Variants in MINDY2 observed in about 807,000 individuals in gnomAD.
MINDY2 encodes ubiquitin carboxyl-terminal hydrolase MINDY-2.
Under a neutral mutation model 68.2 loss-of-function variants are expected in MINDY2, and 52 were observed. The ratio of observed to expected loss-of-function variants is 0.76; its 90% CI spans 0.61 to 0.96. The LOEUF (loss-of-function observed/expected upper bound fraction) is 0.96, where lower values mean the gene tolerates loss of function less well. MINDY2 is among the 40% of genes least tolerant of loss of function. The probability of loss-of-function intolerance (pLI) is 0.00; values close to 1 mark genes in which losing one functional copy is unlikely to be tolerated. For synonymous variants in MINDY2, 372 were observed against 303.0 expected (o/e 1.23, Z -2.36); for missense variants, 881 against 773.4 (o/e 1.14, Z -1.65).
At chr15:58,844,384 A>T (rs1474447898) in intron 6 of MINDY2, among the ~76,000 whole-genome samples, 2 of 150,630 alleles carry the variant, frequency 1.3e-5, no homozygotes, top group African/African-American at 4.9e-5. Flanking sequence ...CGTCTCTACT[A>T]AAAAATACAA....
chr15:58,820,347 G>A (rs1382040890), intron 4 of MINDY2, among the ~76,000 whole-genome samples: 1 of 151,942 alleles, frequency 6.6e-6, no homozygotes, highest in Admixed American at 6.6e-5. Context: ...AGGAGGCTGA[G>A]GCAGGAGAAT....
In MINDY2 at chr15:58,774,614, C is replaced by G. The variant is rs574656727; in HGVS notation, c.840+2379C>G. On this transcript the variant is annotated intron_variant, in intron 1 of 8. Transcript: ENST00000559228. ...TAATTACAGTGCAATGTGAGAAGCT[C>G]TAATATGCTATGGAAGTGCAGAGAA... Among the ~76,000 whole-genome samples, 17 of 151,630 alleles carry G rather than the reference C, an allele frequency of 1.1e-4. No individual in the cohort carries two copies. The South Asian group carries it at 2.3e-3, about 21-fold the overall frequency.
intron 2 of MINDY2, among the ~76,000 whole-genome samples, chr15:58,791,223 A>ATATATATATATATATATATATT (rs1420731588): frequency 1.0e-4 from 2 of 19,726 alleles, no homozygotes; most frequent in African/African-American, 1.9e-3. Context: ...TTTTATATAT[A>ATATATATATATATATATATATT]TATATATATA....
At chr15:58,798,776 G>A (rs1245340007) in intron 2 of MINDY2, among the ~76,000 whole-genome samples, 2 of 152,160 alleles carry the variant, frequency 1.3e-5, no homozygotes, top group African/African-American at 4.8e-5. Context: ...TATTCACTGA[G>A]CATGTATTGT....
At chr15:58,848,378 G>T (rs1567076794) in intron 7 of MINDY2, among the ~76,000 whole-genome samples, 1 of 152,142 alleles carries the variant, frequency 6.6e-6, no homozygotes, top group Non-Finnish European at 1.5e-5. Flanking sequence ...AGTAGGGAAG[G>T]CAGATATTTG....
In MINDY2 at chr15:58,858,655, G is replaced by C. The variant is rs1353361188; in HGVS notation, c.*4045G>C. On this transcript the variant is annotated 3_prime_UTR_variant, in exon 9 of 9. Coordinates refer to ENST00000559228, the MANE Select transcript of MINDY2 (RefSeq NM_001040450.3). ...TTTTGTTAAAAAGCAAAAGCGAATT[G>C]ATTACATTTGATTAACTTTTCCTAT... 4.6e-5 allele frequency: 7 copies of C among 152,020 alleles called. No homozygotes were observed. The highest frequency in any genetic ancestry group is 1.7e-4 in the African/African-American group (7 of 41,380). The allele number at this position is 152,020 out of a possible 1,614,324, so 9.4% of individuals were successfully genotyped here.
At position 58,861,791 on chromosome 15, in the gene MINDY2, G is replaced by C. The variant is rs1287720926; in HGVS notation, c.*7181G>C. Reference sequence around the variant, plus strand: ...GATAGTGTCATTGTTGGGTTAAAATGTTGGCTGTTTTTGTTAATATACTTA... The same window carrying C: ...GATAGTGTCATTGTTGGGTTAAAATCTTGGCTGTTTTTGTTAATATACTTA... On this transcript the variant is annotated 3_prime_UTR_variant, in exon 9 of 9. Transcript: ENST00000559228. The C allele has an allele frequency of 1.3e-5, 2 of 152,152 alleles. No homozygotes were observed. The highest frequency in any genetic ancestry group is 2.9e-5 in the Non-Finnish European group (2 of 68,042). The allele number at this position is 152,152 out of a possible 1,614,324, so 9.4% of individuals were successfully genotyped here. A position where few individuals can be genotyped will look rare whatever the true frequency, so the allele number is the denominator to read the frequency against.
chr15:58,803,242 A>ATG (rs1459465001), intron 3 of MINDY2, among the ~76,000 whole-genome samples: 13 of 141,710 alleles, frequency 9.2e-5, no homozygotes, highest in East Asian at 6.7e-4. Context: ...CGAGGTGGGC[A>ATG]GATCACGAAG....
intron 1 of MINDY2, among the ~76,000 whole-genome samples, chr15:58,787,634 G>A (rs1901595587): frequency 6.6e-6 from 1 of 151,476 alleles, no homozygotes. Flanking sequence ...CTACTCGGAA[G>A]GCTGAGGCAG....
At chr15:58,853,999 C>T (rs1383840627) in intron 8 of MINDY2, among the ~76,000 whole-genome samples, 4 of 151,918 alleles carry the variant, frequency 2.6e-5, no homozygotes, top group African/African-American at 4.8e-5. Flanking sequence ...GAAATACCGA[C>T]TTTGGGAGGC....
intron 7 of MINDY2, among the ~76,000 whole-genome samples, chr15:58,850,012 C>T (rs1481038712): frequency 1.3e-5 from 2 of 152,118 alleles, no homozygotes; most frequent in Non-Finnish European, 2.9e-5. Context: ...GCTGGGATTA[C>T]AGGCGTGAGC....
intron 7 of MINDY2, among the ~76,000 whole-genome samples, chr15:58,849,157 C>T (rs772117221): frequency 6.6e-6 from 1 of 151,322 alleles, no homozygotes; most frequent in African/African-American, 2.4e-5. Flanking sequence ...TTGCAGTGAG[C>T]CAAGATCATG....
At chr15:58,852,394 A>G (rs986404842) in intron 8 of MINDY2, among the ~76,000 whole-genome samples, 6 of 151,152 alleles carry the variant, frequency 4.0e-5, no homozygotes, top group African/African-American at 7.3e-5. Flanking sequence ...TTTAGCACCT[A>G]TGGGTTTTAT....
chr15:58,854,361 A>G (rs2032976890), intron 8 of MINDY2, 121 bp from the exon 9 acceptor site: 2 of 1,084,562 alleles, frequency 1.8e-6, no homozygotes, highest in Non-Finnish European at 2.6e-6. Flanking sequence ...CTGTATGCCA[A>G]TAGCTAGCTT....
At chr15:58,809,201 G>A (rs1351722698) in intron 3 of MINDY2, among the ~76,000 whole-genome samples, 3 of 152,128 alleles carry the variant, frequency 2.0e-5, no homozygotes, top group Non-Finnish European at 4.4e-5. Context: ...AACAGAGTGA[G>A]ACCCTATATT....
intron 2 of MINDY2, among the ~76,000 whole-genome samples, chr15:58,794,358 G>GGGGTGTGTGTGT (rs1555429190): frequency 1.4e-5 from 2 of 139,112 alleles, no homozygotes; most frequent in Admixed American, 1.5e-4. Flanking sequence ...TTTTTTTTGG[G>GGGGTGTGTGTGT]GTGTGTGTGT....
intron 1 of MINDY2, 149 bp downstream of exon 1, chr15:58,772,384 G>T: frequency 1.6e-6 from 2 of 1,254,426 alleles, no homozygotes; most frequent in Non-Finnish European, 2.2e-6. Context: ...CTTCCATGTT[G>T]AAGGAATATT....
chr15:58,821,852 A>T (rs1595750325), intron 5 of MINDY2, 33 bp downstream of exon 5: 1 of 1,419,782 alleles, frequency 7.0e-7, no homozygotes. Flanking sequence ...TGACTTTTGA[A>T]ATTCTTGGCA....
chr15:58,798,537 C>A (rs1030960224), intron 2 of MINDY2, among the ~76,000 whole-genome samples: 12 of 151,296 alleles, frequency 7.9e-5, no homozygotes, highest in African/African-American at 2.9e-4. Flanking sequence ...CTCACTGCAA[C>A]CTCTGCCTCC....
Sources: gnomAD v4.1 joint callset for allele counts (sites outside exome capture counted in the v4.1 genomes callset) on GRCh38, gnomAD v4.1.1 for gene constraint, MANE v1.5 for transcripts, NCBI Gene and HGNC (gene_info 2026-07-23, HGNC 2026-07-21) for gene names.